The following GSK3B variants were observed in gnomAD, a reference collection of about 807,000 sequenced individuals.
The protein encoded by GSK3B is glycogen synthase kinase 3 beta.
GSK3B carries 15 observed loss-of-function variants against 56.4 expected under a neutral mutation model. The observed-to-expected ratio is 0.27, with a 90% CI of 0.18 to 0.41. The LOEUF is 0.41. Among genes scored for constraint, GSK3B ranks in the 10% least tolerant of loss-of-function variants. The probability of loss-of-function intolerance (pLI) is 1.00; values close to 1 mark genes in which losing one functional copy is unlikely to be tolerated. For synonymous variants in GSK3B, 181 were observed against 188.9 expected (o/e 0.96, Z 0.34); for missense variants, 300 against 513.4 (o/e 0.58, Z 4.02).
chr3:119,953,134 AAGTTAATGGT>A (rs1310221736), intron 2 of GSK3B, among the ~76,000 whole-genome samples: 1 of 152,196 alleles, frequency 6.6e-6, no homozygotes, highest in Non-Finnish European at 1.5e-5. Flanking sequence ...TATTAACCTA[AAGTTAATGGT>A]GATAAATTGG....
chr3:119,871,359 C>A (rs1040338149), intron 8 of GSK3B, among the ~76,000 whole-genome samples: 1 of 152,100 alleles, frequency 6.6e-6, no homozygotes, highest in Non-Finnish European at 1.5e-5. Context: ...GGGAGACTTA[C>A]CAAATGACCT....
intron 1 of GSK3B, among the ~76,000 whole-genome samples, chr3:120,069,159 A>G (rs1318491561): frequency 6.6e-6 from 1 of 152,222 alleles, no homozygotes; most frequent in Admixed American, 6.5e-5. Flanking sequence ...CCTGACAGGG[A>G]CGAAGAGTAT....
chr3:119,888,589 G>T (rs537335971), intron 7 of GSK3B, among the ~76,000 whole-genome samples: 1 of 152,144 alleles, frequency 6.6e-6, no homozygotes, highest in East Asian at 1.9e-4. Context: ...ACGTGTGTTT[G>T]AACAATATGA....
chr3:119,978,874 C>G (rs1179348974), intron 2 of GSK3B, among the ~76,000 whole-genome samples: 1 of 152,182 alleles, frequency 6.6e-6, no homozygotes, highest in African/African-American at 2.4e-5. Flanking sequence ...TAGAGGAAAT[C>G]TTGGGGATGC....
At chr3:120,005,351 C>CT (rs2057717714) in intron 1 of GSK3B, among the ~76,000 whole-genome samples, 1 of 152,186 alleles carries the variant, frequency 6.6e-6, no homozygotes, top group South Asian at 2.1e-4. Context: ...AGAAACCACT[C>CT]TTAAGGATAT....
At position 120,009,000 on chromosome 3, in the gene GSK3B, G is replaced by A. The variant is rs1013632235; in HGVS notation, c.89-6761C>T. ...ACAAATTCACAAGAAAAAAGCAAAC[G>A]ACCCCATCAAAAAATGGGCAAAGGA... On this transcript the variant is annotated intron_variant, in intron 1 of 10. Coordinates refer to ENST00000264235, the MANE Select transcript of GSK3B (RefSeq NM_001146156.2). 5.9e-5 allele frequency among the ~76,000 whole-genome samples: 9 copies of A among 151,954 alleles called. No individual in the cohort carries two copies. The East Asian group carries it at 1.5e-3, about 26-fold the overall frequency.
chr3:119,999,243 T>C (rs1391145981), intron 2 of GSK3B, among the ~76,000 whole-genome samples: 3 of 152,302 alleles, frequency 2.0e-5, no homozygotes, highest in East Asian at 1.9e-4. Flanking sequence ...GAGAATCTGA[T>C]ACTATGATAT....
chr3:119,920,718 C>T (rs115867698), intron 4 of GSK3B, among the ~76,000 whole-genome samples: 1,632 of 151,984 alleles, frequency 0.011, 24 homozygotes, highest in African/African-American at 0.038. Context: ...AATTATACTA[C>T]TATCATTGAG....
At chr3:119,942,286 C>T (rs2057056985) in intron 3 of GSK3B, among the ~76,000 whole-genome samples, 1 of 151,880 alleles carries the variant, frequency 6.6e-6, no homozygotes, top group African/African-American at 2.4e-5. Context: ...GAAGACATAA[C>T]ACAGTTTTTA....
rs1482853011 is a variant in GSK3B at position 119,824,667 on chromosome 3, A to C, written c.*2121T>G. The C allele has an allele frequency of 1.0e-5, 2 of 196,112 alleles. No individual in the cohort carries two copies. The highest frequency in any genetic ancestry group is 2.1e-5 in the Non-Finnish European group (2 of 94,376). The allele number at this position is 196,112 out of a possible 1,614,324, so 12.1% of individuals were successfully genotyped here. A position where few individuals can be genotyped will look rare whatever the true frequency, so the allele number is the denominator to read the frequency against. On this transcript the variant is annotated 3_prime_UTR_variant, in exon 11 of 11. Coordinates refer to ENST00000264235, the MANE Select transcript of GSK3B (RefSeq NM_001146156.2). ...TGATTTCAGACTTCTTTCAAATCTT[A>C]GCTTTCAGAAGCACTTTATAAAACA...
At chr3:120,085,784 C>T (rs1190226602) in intron 1 of GSK3B, among the ~76,000 whole-genome samples, 2 of 150,938 alleles carry the variant, frequency 1.3e-5, no homozygotes, top group African/African-American at 2.4e-5. Flanking sequence ...CCAGCCTGGG[C>T]GACACAGTGA....
intron 1 of GSK3B, among the ~76,000 whole-genome samples, chr3:120,026,808 T>C (rs2057931668): frequency 6.6e-6 from 1 of 151,772 alleles, no homozygotes; most frequent in South Asian, 2.1e-4. Flanking sequence ...TCCACCCACC[T>C]CGGCCTCCTA....
intron 1 of GSK3B, among the ~76,000 whole-genome samples, chr3:120,047,931 T>C (rs897342828): frequency 6.6e-6 from 1 of 152,198 alleles, no homozygotes; most frequent in African/African-American, 2.4e-5. Context: ...ATGTTCTACC[T>C]CCAAGTGTTT....
chr3:120,070,731 G>A (rs1346449469), intron 1 of GSK3B, among the ~76,000 whole-genome samples: 1 of 152,156 alleles, frequency 6.6e-6, no homozygotes, highest in African/African-American at 2.4e-5. Flanking sequence ...TCTTCCCTAA[G>A]TAGGGCAGCT....
chr3:119,931,612 C>T (rs190849470), intron 3 of GSK3B, among the ~76,000 whole-genome samples: 237 of 150,524 alleles, frequency 1.6e-3, no homozygotes, highest in Middle Eastern at 3.4e-3. Context: ...AAGACTGTCT[C>T]AAAAAAACAA....
intron 2 of GSK3B, among the ~76,000 whole-genome samples, chr3:119,956,375 T>A (rs1213294985): frequency 6.6e-6 from 1 of 152,208 alleles, no homozygotes; most frequent in Non-Finnish European, 1.5e-5. Context: ...TTATTGCCTA[T>A]ACAGGTTGAA....
At chr3:120,006,232 C>T (rs1271395878) in intron 1 of GSK3B, among the ~76,000 whole-genome samples, 2 of 152,158 alleles carry the variant, frequency 1.3e-5, no homozygotes, top group Non-Finnish European at 2.9e-5. Context: ...AAAATATATG[C>T]ACCCAATACA....
chr3:119,863,166 T>G (rs1577323163), intron 9 of GSK3B, among the ~76,000 whole-genome samples: 1 of 152,358 alleles, frequency 6.6e-6, no homozygotes, highest in Admixed American at 6.5e-5. Flanking sequence ...TCTCTGTAAC[T>G]TCTCATGTGC....
chr3:120,035,422 C>G (rs2058013893), intron 1 of GSK3B, among the ~76,000 whole-genome samples: 1 of 152,140 alleles, frequency 6.6e-6, no homozygotes, highest in Admixed American at 6.5e-5. Context: ...TTACTGCAAC[C>G]CTCGGAAACT....
Sources: allele counts gnomAD v4.1 joint callset (sites outside exome capture counted in the v4.1 genomes callset), GRCh38; gene constraint gnomAD v4.1.1; transcripts MANE v1.5; gene names NCBI Gene and HGNC (gene_info 2026-07-23, HGNC 2026-07-21).